The following SLC24A3 variants were observed in gnomAD, a reference collection of about 807,000 sequenced individuals.
The protein encoded by SLC24A3 is solute carrier family 24 member 3.
SLC24A3 carries 28 observed loss-of-function variants against 75.8 expected under a neutral mutation model. The ratio of observed to expected loss-of-function variants is 0.37; its 90% CI spans 0.27 to 0.51. SLC24A3 has a LOEUF of 0.51. Ranked by LOEUF, SLC24A3 falls within the 20% of genes least tolerant of loss-of-function variation. SLC24A3 has a pLI of 0.94. For missense variants in SLC24A3, 663 were observed against 847.8 expected (o/e 0.78, Z 2.71); for synonymous variants, 372 against 334.1 (o/e 1.11, Z -1.24).
chr20:19,313,151 C>A (rs756775092), intron 2 of SLC24A3, among the ~76,000 whole-genome samples: 8 of 150,688 alleles, frequency 5.3e-5, no homozygotes, highest in Non-Finnish European at 1.0e-4. Context: ...ATTCTTCCCC[C>A]TCAGACTCCC....
At chr20:19,513,482 C>T (rs568374761) in intron 2 of SLC24A3, among the ~76,000 whole-genome samples, 2 of 152,296 alleles carry the variant, frequency 1.3e-5, no homozygotes, top group East Asian at 3.9e-4. Flanking sequence ...TGTTGTCATC[C>T]CTCTGCCCCT....
intron 2 of SLC24A3, among the ~76,000 whole-genome samples, chr20:19,368,866 G>C (rs1439293301): frequency 2.0e-5 from 3 of 152,304 alleles, no homozygotes; most frequent in South Asian, 4.1e-4. Context: ...ACTGACCAAA[G>C]CTGGGACAAT....
At chr20:19,693,238 T>G (rs765753669) in intron 12 of SLC24A3, 21 bp from the exon 13 acceptor site, 1 of 1,594,276 alleles carries the variant, frequency 6.3e-7, no homozygotes, top group Non-Finnish European at 8.5e-7. Flanking sequence ...TATTTCTTTT[T>G]GGCCTTTTTC....
chr20:19,482,048 A>G (rs919241404), intron 2 of SLC24A3, among the ~76,000 whole-genome samples: 3 of 152,180 alleles, frequency 2.0e-5, no homozygotes, highest in African/African-American at 7.2e-5. Flanking sequence ...GGACTCCACC[A>G]TAGCCCATGT....
chr20:19,221,969 C>T (rs1178293961), intron 1 of SLC24A3, among the ~76,000 whole-genome samples: 2 of 152,050 alleles, frequency 1.3e-5, no homozygotes, highest in African/African-American at 4.8e-5. Flanking sequence ...TCTGGATTGT[C>T]TATTATTTGG....
intron 5 of SLC24A3, 46 bp downstream of exon 5, chr20:19,585,101 GA>G: frequency 1.3e-6 from 2 of 1,539,396 alleles, no homozygotes; most frequent in Non-Finnish European, 1.8e-6. Context: ...CTGTCTGAAG[GA>G]AAAGGGCTCT....
chr20:19,496,085 G>T (rs1275046973), intron 2 of SLC24A3, among the ~76,000 whole-genome samples: 7 of 152,194 alleles, frequency 4.6e-5, no homozygotes, highest in Non-Finnish European at 1.0e-4. Flanking sequence ...AGTCAGACAT[G>T]CCTCTGGGAC....
At chr20:19,272,696 G>A (rs1983366164) in intron 1 of SLC24A3, among the ~76,000 whole-genome samples, 1 of 152,220 alleles carries the variant, frequency 6.6e-6, no homozygotes, top group Non-Finnish European at 1.5e-5. Flanking sequence ...TGGGACCCAT[G>A]GACCTGGGAT....
intron 3 of SLC24A3, among the ~76,000 whole-genome samples, chr20:19,563,213 A>C (rs1361832741): frequency 6.6e-6 from 1 of 152,148 alleles, no homozygotes; most frequent in Non-Finnish European, 1.5e-5. Flanking sequence ...TGCATATAAC[A>C]TATATCTCAT....
chr20:19,512,408 C>T (rs919868432), intron 2 of SLC24A3, among the ~76,000 whole-genome samples: 20 of 152,326 alleles, frequency 1.3e-4, no homozygotes, highest in Admixed American at 1.2e-3. Flanking sequence ...CCATCCAGGG[C>T]TCAGCCTCCA....
At position 19,446,169 on chromosome 20, in the gene SLC24A3, G is replaced by A. The variant is rs1235434678; in HGVS notation, c.272-69319G>A. ...AAGAACATTCAGGAAGGGAAAGGCT[G>A]TAATGGCAAAGAAAGCTTATTTTGA... is the stretch of plus-strand genomic sequence containing the variant. On this transcript the variant is annotated intron_variant, in intron 2 of 16. Coordinates refer to ENST00000328041, the MANE Select transcript of SLC24A3 (RefSeq NM_020689.4). Among the ~76,000 whole-genome samples the A allele has an allele frequency of 2.0e-5, 3 of 152,304 alleles. No homozygotes were observed. The East Asian group carries it at 5.8e-4, about 30-fold the overall frequency.
intron 6 of SLC24A3, among the ~76,000 whole-genome samples, chr20:19,621,994 A>G (rs1033197073): frequency 1.5e-4 from 23 of 152,160 alleles, no homozygotes; most frequent in African/African-American, 4.8e-4. Flanking sequence ...CCCTGTGCCA[A>G]CATCAGGCAA....
At chr20:19,704,970 G>A (rs1285892819) in intron 15 of SLC24A3, among the ~76,000 whole-genome samples, 1 of 152,168 alleles carries the variant, frequency 6.6e-6, no homozygotes, top group Non-Finnish European at 1.5e-5. Flanking sequence ...GCAGAGAGGA[G>A]TGCTTTCCTC....
At chr20:19,717,086 A>G (rs1431160984) in intron 15 of SLC24A3, among the ~76,000 whole-genome samples, 5 of 152,234 alleles carry the variant, frequency 3.3e-5, no homozygotes, top group African/African-American at 9.6e-5. Flanking sequence ...GGTGCAAAAG[A>G]GATGAAAAGT....
intron 2 of SLC24A3, among the ~76,000 whole-genome samples, chr20:19,380,492 GTC>G (rs1568604111): frequency 6.6e-6 from 1 of 152,180 alleles, no homozygotes; most frequent in Admixed American, 6.5e-5. Context: ...TTTTGGAAAG[GTC>G]TCTCTGGCTG....
At chr20:19,709,678 G>T (rs1050682390) in intron 15 of SLC24A3, among the ~76,000 whole-genome samples, 1 of 152,106 alleles carries the variant, frequency 6.6e-6, no homozygotes, top group African/African-American at 2.4e-5. Flanking sequence ...GGTTCTTAGA[G>T]GGTAAAGGGA....
intron 2 of SLC24A3, among the ~76,000 whole-genome samples, chr20:19,381,566 C>T (rs1986182507): frequency 6.6e-6 from 1 of 152,138 alleles, no homozygotes; most frequent in Non-Finnish European, 1.5e-5. Flanking sequence ...CCACTGTGTG[C>T]CCAGAGCTTC....
intron 3 of SLC24A3, among the ~76,000 whole-genome samples, chr20:19,523,519 G>A (rs1002059816): frequency 6.6e-6 from 1 of 152,166 alleles, no homozygotes; most frequent in African/African-American, 2.4e-5. Context: ...TTGATCATGA[G>A]ACTTAATTCA....
chr20:19,235,949 A>C (rs1243036185), intron 1 of SLC24A3, among the ~76,000 whole-genome samples: 1 of 152,252 alleles, frequency 6.6e-6, no homozygotes, highest in Non-Finnish European at 1.5e-5. Flanking sequence ...GCTGGGTGAC[A>C]AACCCAATAA....
Sources: allele counts gnomAD v4.1 joint callset (sites outside exome capture counted in the v4.1 genomes callset), GRCh38; gene constraint gnomAD v4.1.1; transcripts MANE v1.5; gene names NCBI Gene and HGNC (gene_info 2026-07-23, HGNC 2026-07-21).